Variants in PKHD1 observed in about 807,000 individuals in gnomAD.
The protein encoded by PKHD1 is fibrocystin.
In PKHD1, 291 loss-of-function variants were observed where a neutral mutation model predicts 412.0. The observed-to-expected ratio is 0.71, with a 90% CI of 0.64 to 0.78. The LOEUF is 0.78. Ranked by LOEUF, PKHD1 falls within the 30% of genes least tolerant of loss-of-function variation. The pLI is 0.00. For missense variants in PKHD1, 4,825 were observed against 4,950.7 expected (o/e 0.97, Z 0.76); for synonymous variants, 1,777 against 1,821.5 (o/e 0.98, Z 0.62).
intron 54 of PKHD1, 108 bp downstream of exon 54, chr6:51,775,700 G>A (rs1277618117): frequency 1.3e-5 from 9 of 676,256 alleles, no homozygotes; most frequent in Non-Finnish European, 2.1e-5. Context: ...CTAAAAGGGT[G>A]TTTGGAATTT....
chr6:51,734,041 T>A (rs1012602840), intron 60 of PKHD1, among the ~76,000 whole-genome samples: 1 of 152,182 alleles, frequency 6.6e-6, no homozygotes, highest in East Asian at 1.9e-4. Context: ...GACTAATAGA[T>A]TAACATGAGG....
chr6:51,888,153 A>G (rs1242961367), intron 43 of PKHD1, among the ~76,000 whole-genome samples: 2 of 152,268 alleles, frequency 1.3e-5, no homozygotes, highest in African/African-American at 4.8e-5. Flanking sequence ...AGGGTGACTG[A>G]GTACAACTAC....
chr6:51,910,196 C>G (rs896903430), intron 39 of PKHD1, among the ~76,000 whole-genome samples: 1 of 152,102 alleles, frequency 6.6e-6, no homozygotes, highest in Non-Finnish European at 1.5e-5. Context: ...GTTGTGACCT[C>G]AGGATCCAGG....
chr6:51,835,180 A>G (rs1229022865), intron 51 of PKHD1, among the ~76,000 whole-genome samples: 1 of 152,146 alleles, frequency 6.6e-6, no homozygotes, highest in African/African-American at 2.4e-5. Context: ...TAGTACAGAA[A>G]TCATCATACT....
At chr6:52,032,629 A>G (rs1398688955) in intron 29 of PKHD1, among the ~76,000 whole-genome samples, 1 of 152,212 alleles carries the variant, frequency 6.6e-6, no homozygotes, top group Non-Finnish European at 1.5e-5. Context: ...TCTTAGATAA[A>G]TTACTTATTC....
At chr6:51,740,870 C>T (rs1784467741) in intron 60 of PKHD1, among the ~76,000 whole-genome samples, 1 of 152,194 alleles carries the variant, frequency 6.6e-6, no homozygotes, top group South Asian at 2.1e-4. Flanking sequence ...CAGTAAACAG[C>T]AGATTCCACT....
intron 37 of PKHD1, among the ~76,000 whole-genome samples, chr6:51,916,588 G>A (rs949569924): frequency 6.6e-6 from 1 of 152,034 alleles, no homozygotes; most frequent in Non-Finnish European, 1.5e-5. Context: ...TAGCTTTGAT[G>A]TTCAAAAAAT....
chr6:52,007,454 C>T (rs1799233823), intron 35 of PKHD1, among the ~76,000 whole-genome samples: 1 of 152,206 alleles, frequency 6.6e-6, no homozygotes, highest in African/African-American at 2.4e-5. Context: ...CATCATAATA[C>T]TGGTGGCATG....
intron 35 of PKHD1, among the ~76,000 whole-genome samples, chr6:51,978,196 AC>A (rs1794704534): frequency 6.6e-6 from 1 of 151,870 alleles, no homozygotes; most frequent in African/African-American, 2.4e-5. Context: ...GCCATTCCCC[AC>A]CCCACCCCAC....
intron 49 of PKHD1, among the ~76,000 whole-genome samples, chr6:51,850,778 A>G (rs934771685): frequency 6.6e-6 from 1 of 152,178 alleles, no homozygotes; most frequent in African/African-American, 2.4e-5. Context: ...GTTGCTTATC[A>G]GTTCAAGAAA....
intron 57 of PKHD1, among the ~76,000 whole-genome samples, chr6:51,750,691 G>C (rs1401756384): frequency 6.6e-6 from 1 of 152,026 alleles, no homozygotes; most frequent in African/African-American, 2.4e-5. Flanking sequence ...AACTGTACAA[G>C]GTCTTTTTAC....
intron 27 of PKHD1, among the ~76,000 whole-genome samples, chr6:52,041,493 G>A (rs1804885522): frequency 6.6e-6 from 1 of 152,112 alleles, no homozygotes; most frequent in South Asian, 2.1e-4. Context: ...GAGTGAGTGA[G>A]TACTGATTAA....
At chr6:52,043,450 A>C (rs1025594927) in intron 26 of PKHD1, among the ~76,000 whole-genome samples, 175 bp downstream of exon 26, 1 of 152,204 alleles carries the variant, frequency 6.6e-6, no homozygotes, top group Non-Finnish European at 1.5e-5. Flanking sequence ...CCCATTTCAA[A>C]TCATGACCAT....
rs945129702 is a variant in PKHD1, at chr6:51,697,761, C to A, written c.10157-37792G>T. Reference sequence around the variant, plus strand: ...TGGCTGACTTCTTATCATTTTAACACCTCAGCCAGAACTCTGACTATAAAC... The same window carrying A: ...TGGCTGACTTCTTATCATTTTAACAACTCAGCCAGAACTCTGACTATAAAC... On this transcript the variant is annotated intron_variant, in intron 60 of 66. Coordinates refer to ENST00000371117, the MANE Select transcript of PKHD1 (RefSeq NM_138694.4). Among the ~76,000 whole-genome samples, 8 of 152,328 alleles carry A rather than the reference C, an allele frequency of 5.3e-5. No individual in the cohort carries two copies. The South Asian group carries it at 1.2e-3, about 24-fold the overall frequency.
At chr6:51,674,114 T>A (rs533087519) in intron 60 of PKHD1, among the ~76,000 whole-genome samples, 3 of 152,304 alleles carry the variant, frequency 2.0e-5, no homozygotes, top group African/African-American at 7.2e-5. Flanking sequence ...TTAGGGACTA[T>A]CAGAGGAGCC....
Position 51,847,780 on chromosome 6 carries a change from T to C in PKHD1, c.8102A>G (p.Tyr2701Cys). ...FFNSQLRQLT[Y>C]LVSGEGQVQV... ...TCATCCAATTGGATACTTACCCAGA[T>C]AGGTGAGTTGCCTCAGCTGGCTATT... Residue 2701 changes from tyrosine to cysteine, a missense_variant, in exon 50 of 67, where the codon TAT (tyrosine) becomes TGT (cysteine). Coordinates refer to ENST00000371117, the MANE Select transcript of PKHD1 (RefSeq NM_138694.4). 2 of 1,608,098 alleles carry C rather than the reference T, an allele frequency of 1.2e-6. No individual in the cohort carries two copies. Among genetic ancestry groups the C allele is most frequent in the Non-Finnish European group, 1.7e-6 (2 of 1,174,524 alleles).
intron 57 of PKHD1, among the ~76,000 whole-genome samples, chr6:51,750,923 C>T (rs1786015557): frequency 6.6e-6 from 1 of 151,998 alleles, no homozygotes; most frequent in African/African-American, 2.4e-5. Flanking sequence ...ACTACAGGTG[C>T]ATGCCACCAT....
chr6:51,721,568 T>A (rs967734309), intron 60 of PKHD1: 2 of 1,000,256 alleles, frequency 2.0e-6, no homozygotes, highest in Non-Finnish European at 1.2e-6. Flanking sequence ...CACCACCAAT[T>A]TAATATCTGA....
intron 48 of PKHD1, among the ~76,000 whole-genome samples, chr6:51,858,193 G>A (rs906911130): frequency 5.3e-5 from 8 of 152,120 alleles, no homozygotes; most frequent in Middle Eastern, 6.8e-3. Flanking sequence ...TTACATCTTC[G>A]AATAGAAAAC....
Sources: allele counts gnomAD v4.1 joint callset (sites outside exome capture counted in the v4.1 genomes callset), GRCh38; gene constraint gnomAD v4.1.1; transcripts MANE v1.5; gene names NCBI Gene and HGNC (gene_info 2026-07-23, HGNC 2026-07-21).